The following ADAMTSL1 variants were observed in gnomAD, a reference collection of about 807,000 sequenced individuals.
ADAMTSL1 encodes the protein ADAMTS-like protein 1.
In ADAMTSL1, 126 loss-of-function variants were observed where a neutral mutation model predicts 201.8. The ratio of observed to expected loss-of-function variants is 0.62; its 90% CI spans 0.54 to 0.72. The LOEUF (loss-of-function observed/expected upper bound fraction) is 0.72. Among genes scored for constraint, ADAMTSL1 ranks in the 30% least tolerant of loss-of-function variants. ADAMTSL1 has a pLI of 0.00. For synonymous variants in ADAMTSL1, 1,121 were observed against 903.4 expected (o/e 1.24, Z -4.32); for missense variants, 2,679 against 2,277.8 (o/e 1.18, Z -3.59).
chr9:18,893,949 A>T (rs1829454440), intron 26 of ADAMTSL1, among the ~76,000 whole-genome samples: 3 of 152,240 alleles, frequency 2.0e-5, no homozygotes, highest in Admixed American at 2.0e-4. Context: ...TCCAACATAC[A>T]TTTATGGGAC....
chr9:18,906,191 G>T (rs1301232832), intron 27 of ADAMTSL1, among the ~76,000 whole-genome samples: 1 of 152,218 alleles, frequency 6.6e-6, no homozygotes, highest in Non-Finnish European at 1.5e-5. Context: ...AGGGTGGTCA[G>T]GAGGTGAGGT....
At chr9:18,607,401 T>A in intron 4 of ADAMTSL1, among the ~76,000 whole-genome samples, 1 of 152,164 alleles carries the variant, frequency 6.6e-6, no homozygotes, top group East Asian at 1.9e-4. Context: ...TAGACCCACT[T>A]TGTAGAATAT....
chr9:18,530,087 C>G (rs1224478919), intron 2 of ADAMTSL1, among the ~76,000 whole-genome samples: 1 of 152,066 alleles, frequency 6.6e-6, no homozygotes, highest in Non-Finnish European at 1.5e-5. Context: ...TATTTTTCTG[C>G]TTTGTTTTGT....
intron 2 of ADAMTSL1, among the ~76,000 whole-genome samples, chr9:18,342,952 C>T (rs1053166833): frequency 3.9e-5 from 6 of 152,084 alleles, no homozygotes; most frequent in African/African-American, 1.4e-4. Context: ...AGATACACTT[C>T]AGTTTAATGG....
chr9:18,580,882 C>T (rs886428628), intron 4 of ADAMTSL1, among the ~76,000 whole-genome samples: 3 of 152,060 alleles, frequency 2.0e-5, no homozygotes, highest in Non-Finnish European at 4.4e-5. Context: ...TACTATACTG[C>T]CCTCACTGTA....
At chr9:18,511,088 G>T (rs1374903683) in intron 2 of ADAMTSL1, among the ~76,000 whole-genome samples, 1 of 151,996 alleles carries the variant, frequency 6.6e-6, no homozygotes, top group Non-Finnish European at 1.5e-5. Context: ...GCCAAGACCA[G>T]GCTCAAAGGA....
intron 3 of ADAMTSL1, among the ~76,000 whole-genome samples, chr9:18,568,413 A>G (rs1197029065): frequency 1.3e-5 from 2 of 152,210 alleles, no homozygotes; most frequent in Non-Finnish European, 2.9e-5. Context: ...TCCATTTATT[A>G]TAGAGCAGCC....
intron 1 of ADAMTSL1, among the ~76,000 whole-genome samples, chr9:18,150,792 C>G (rs1052222344): frequency 3.9e-5 from 6 of 151,936 alleles, no homozygotes; most frequent in South Asian, 4.2e-4. Context: ...AGAGATTTGC[C>G]TTAATCAACA....
At position 17,909,532 on chromosome 9, in the gene ADAMTSL1, C is replaced by T. The variant is rs1260313044; in HGVS notation, c.87+2610C>T. ...AGGAAGGGATGCAGACACATGCACA[C>T]GTATGTTTATTGCAGCATTATTCAC... On this transcript the variant is annotated intron_variant, in intron 1 of 29. Transcript: ENST00000680146. 9.1e-5 allele frequency among the ~76,000 whole-genome samples: 6 copies of T among 65,738 alleles called. 2 individuals are homozygous for T. The highest frequency in any genetic ancestry group is 2.3e-4 in the Non-Finnish European group (5 of 21,384). 43.1% of individuals were successfully genotyped at this position (65,738 alleles called of 152,430 possible). A position where few individuals can be genotyped will look rare whatever the true frequency, so the allele number is the denominator to read the frequency against.
intron 2 of ADAMTSL1, among the ~76,000 whole-genome samples, chr9:18,381,789 G>A (rs915882339): frequency 1.3e-5 from 2 of 151,760 alleles, no homozygotes; most frequent in South Asian, 2.1e-4. Flanking sequence ...GGAGAGGGGG[G>A]ATTAGACTTT....
chr9:18,518,629 T>C (rs1233410623), intron 2 of ADAMTSL1, among the ~76,000 whole-genome samples: 1 of 152,122 alleles, frequency 6.6e-6, no homozygotes, highest in Non-Finnish European at 1.5e-5. Flanking sequence ...GGTGTCTTTT[T>C]TATATAATGA....
chr9:18,779,716 G>A (rs1031417274), intron 19 of ADAMTSL1, among the ~76,000 whole-genome samples: 5 of 152,074 alleles, frequency 3.3e-5, no homozygotes, highest in South Asian at 2.1e-4. Context: ...GATTTCAGTC[G>A]AGCCCTTTGA....
At chr9:17,987,752 A>G (rs1818987949) in intron 1 of ADAMTSL1, among the ~76,000 whole-genome samples, 1 of 151,976 alleles carries the variant, frequency 6.6e-6, no homozygotes, top group South Asian at 2.1e-4. Context: ...AACTTTTCTT[A>G]TCTTTCCTTC....
intron 2 of ADAMTSL1, among the ~76,000 whole-genome samples, chr9:18,277,830 G>C (rs1287392899): frequency 6.6e-6 from 1 of 152,094 alleles, no homozygotes; most frequent in Non-Finnish European, 1.5e-5. Flanking sequence ...TTTTCTGACT[G>C]CTACTTATTT....
intron 1 of ADAMTSL1, among the ~76,000 whole-genome samples, chr9:18,075,056 A>G (rs1350146803): frequency 6.6e-6 from 1 of 150,410 alleles, no homozygotes; most frequent in Non-Finnish European, 1.5e-5. Context: ...CCCTCACTCT[A>G]TCCTTCTCCT....
chr9:18,453,841 A>C (rs1191587983), intron 2 of ADAMTSL1, among the ~76,000 whole-genome samples: 2 of 152,204 alleles, frequency 1.3e-5, no homozygotes, highest in Non-Finnish European at 2.9e-5. Context: ...TATTAGAAGC[A>C]GAGTCCTTAG....
At chr9:18,442,471 G>A (rs891681837) in intron 2 of ADAMTSL1, among the ~76,000 whole-genome samples, 4 of 152,154 alleles carry the variant, frequency 2.6e-5, no homozygotes, top group Admixed American at 1.3e-4. Context: ...AAAGCTGGGA[G>A]GCACTGGCTT....
chr9:18,217,885 C>T lies in ADAMTSL1; in HGVS notation c.207+53904C>T, dbSNP rs376907958. Among the ~76,000 whole-genome samples, 7 of 151,598 alleles carry T rather than the reference C, an allele frequency of 4.6e-5. No individual in the cohort carries two copies. The East Asian group carries it at 9.7e-4, about 21-fold the overall frequency. On this transcript the variant is annotated intron_variant, in intron 2 of 29. Transcript: ENST00000680146. ...TTTTTCTGTGCCTTGAGGCAATGTA[C>T]GTGCTGAGAAGTGAGTAGCCCACCC...
At chr9:17,979,862 C>T (rs766036366) in intron 1 of ADAMTSL1, among the ~76,000 whole-genome samples, 1 of 152,040 alleles carries the variant, frequency 6.6e-6, no homozygotes, top group South Asian at 2.1e-4. Context: ...TGCCAGAGTC[C>T]TTGGGTAGGC....
Sources: gnomAD v4.1 joint callset for allele counts (sites outside exome capture counted in the v4.1 genomes callset) on GRCh38, gnomAD v4.1.1 for gene constraint, MANE v1.5 for transcripts, NCBI Gene and HGNC (gene_info 2026-07-23, HGNC 2026-07-21) for gene names.